The following TOGARAM2 variants were observed in gnomAD, a reference collection of about 807,000 sequenced individuals.
TOGARAM2 encodes the protein TOG array regulator of axonemal microtubules 2.
A neutral mutation model predicts 93.3 loss-of-function variants in TOGARAM2; 85 were observed. That is an observed-to-expected ratio of 0.91 (90% CI 0.76 to 1.09). TOGARAM2 has a LOEUF of 1.09. Ranked by LOEUF, TOGARAM2 falls within the 50% of genes least tolerant of loss-of-function variation. The pLI, the probability that TOGARAM2 is intolerant of heterozygous loss-of-function variation, is 0.00. For missense variants in TOGARAM2, 1,277 were observed against 1,334.5 expected, an observed-to-expected ratio of 0.96 and a Z score of 0.67; for synonymous variants, 593 against 552.8, an observed-to-expected ratio of 1.07 and a Z score of -1.02.
intron 18 of TOGARAM2, among the ~76,000 whole-genome samples, chr2:29,044,778 C>T (rs1398223138): frequency 6.6e-6 from 1 of 152,026 alleles, no homozygotes; most frequent in Non-Finnish European, 1.5e-5. Context: ...GTGGGTACAT[C>T]TTGGTGGGTA....
At chr2:29,041,315 C>T (rs902750790) in intron 18 of TOGARAM2, among the ~76,000 whole-genome samples, 11 of 152,104 alleles carry the variant, frequency 7.2e-5, no homozygotes, top group East Asian at 1.9e-4. Context: ...TGAGCCATTG[C>T]GCCCGGCCTT....
chr2:28,975,074 T>A (rs1320384006), intron 1 of TOGARAM2, among the ~76,000 whole-genome samples: 2 of 150,330 alleles, frequency 1.3e-5, no homozygotes, highest in Non-Finnish European at 3.0e-5. Flanking sequence ...CTTTCTTAAA[T>A]TTTTTTTTTC....
At chr2:28,990,301 C>T (rs1400808167) in intron 1 of TOGARAM2, among the ~76,000 whole-genome samples, 1 of 152,218 alleles carries the variant, frequency 6.6e-6, no homozygotes, top group Admixed American at 6.5e-5. Context: ...TCCGAGGCTC[C>T]CCTTCCTTAG....
At chr2:29,022,400 A>T (rs2148346432) in intron 11 of TOGARAM2, 92 bp downstream of exon 11, 2 of 1,522,288 alleles carry the variant, frequency 1.3e-6, no homozygotes, top group East Asian at 4.8e-5. Context: ...CTCCTCTCCC[A>T]CTCTGGGGTT....
upstream of TOGARAM2, among the ~76,000 whole-genome samples, chr2:28,978,237 G>C (rs1672065646): frequency 6.6e-6 from 1 of 152,130 alleles, no homozygotes; most frequent in African/African-American, 2.4e-5. Context: ...GGTAGGAAGG[G>C]ATATGGGAAA....
At chr2:29,029,593 A>G (rs1395977773) in intron 14 of TOGARAM2, among the ~76,000 whole-genome samples, 1 of 150,838 alleles carries the variant, frequency 6.6e-6, no homozygotes, top group Non-Finnish European at 1.5e-5. Context: ...CGTCTCTACT[A>G]AAAATACAAA....
At position 29,013,628 on chromosome 2, in the gene TOGARAM2, G is replaced by A. The variant is rs146900761; in HGVS notation, c.878-767G>A. The stretch of plus-strand genomic sequence containing the variant: ...AAGGGCAGGAGGAGTAGAAGGAAGC[G>A]TCCAGCAGGGGAGAAAGCAGGCAGC... On this transcript the variant is annotated intron_variant, in intron 7 of 19. Coordinates refer to ENST00000379558, the MANE Select transcript of TOGARAM2 (RefSeq NM_199280.4). 6.3e-4 allele frequency among the ~76,000 whole-genome samples: 96 copies of A among 152,314 alleles called. No individual in the cohort carries two copies. In the South Asian group the frequency reaches 0.012, roughly 19 times the overall value.
intron 18 of TOGARAM2, among the ~76,000 whole-genome samples, chr2:29,045,000 A>C (rs1447591342): frequency 2.6e-5 from 4 of 151,800 alleles, no homozygotes; most frequent in African/African-American, 9.7e-5. Context: ...TCTGTCATCT[A>C]TCTACCTACC....
At chr2:28,983,324 T>C (rs1163486728) in intron 1 of TOGARAM2, among the ~76,000 whole-genome samples, 2 of 135,778 alleles carry the variant, frequency 1.5e-5, no homozygotes, top group African/African-American at 2.8e-5. Flanking sequence ...GGATCACAGG[T>C]GTGAGCCACC....
rs1019424296 is a variant in TOGARAM2, at chr2:29,033,506, G to T, written c.2168G>T (p.Gly723Val). The part of the protein sequence containing the change: ...EDNDELPSAK[G>V]RKVLRSLVVC... ...AATGATGAACTTCCCTCTGCCAAAG[G>T]CCGCAAGGTGTTGAGGAGTCTGGTG... The change falls in exon 16 of 20, where the codon GGC becomes GTC. Residue 723 changes from glycine to valine, a missense_variant. Coordinates refer to ENST00000379558, the MANE Select transcript of TOGARAM2 (RefSeq NM_199280.4). 1 of 1,613,764 alleles carries T rather than the reference G, an allele frequency of 6.2e-7. No individual in the cohort carries two copies.
intron 1 of TOGARAM2, among the ~76,000 whole-genome samples, chr2:28,973,453 T>TCCCTTCCCCTG (rs1553333637): frequency 1.1e-5 from 1 of 93,942 alleles, no homozygotes; most frequent in African/African-American, 4.8e-5. Flanking sequence ...CTTCCTTCCT[T>TCCCTTCCCCTG]CCTTCCTTCC....
At position 29,036,586 on chromosome 2, in the gene TOGARAM2, G is replaced by A. The variant is rs1360728083; in HGVS notation, c.2464G>A (p.Val822Met). The stretch of plus-strand genomic sequence containing the variant: ...AAGGCTTCAGGATTCCAACAAGAAA[G>A]TGAACCAGTGGGCGCTGGAGTCCTT... ...TPRLQDSNKK[V>M]NQWALESFAK... The change falls in exon 18 of 20, where the codon GTG becomes ATG. Residue 822 changes from valine (V) to methionine (M), a missense_variant. Coordinates refer to ENST00000379558, the MANE Select transcript of TOGARAM2 (RefSeq NM_199280.4). 2.1e-5 allele frequency: 34 copies of A among 1,613,896 alleles called. No individual in the cohort carries two copies. Among genetic ancestry groups the A allele is most frequent in the Non-Finnish European group, 2.4e-5 (28 of 1,179,910 alleles).
chr2:29,005,518 CGT>C (rs1372673074), intron 6 of TOGARAM2, among the ~76,000 whole-genome samples: 3 of 106,860 alleles, frequency 2.8e-5, no homozygotes, highest in African/African-American at 1.1e-4. Context: ...TGTGTAACTA[CGT>C]GTGTGAAGCC....
Position 29,052,098 on chromosome 2 carries a change from G to T in TOGARAM2, c.*5G>T, listed in dbSNP as rs766573514. On this transcript the variant is annotated 3_prime_UTR_variant, in exon 20 of 20. Transcript: ENST00000379558. Reference sequence around the variant, plus strand: ...TACCCTTTTCAGCTGGATTAAAGATGGATCTGAAATGGGCAATTATTATTT... The same window carrying T: ...TACCCTTTTCAGCTGGATTAAAGATTGATCTGAAATGGGCAATTATTATTT... 1.0e-5 allele frequency: 16 copies of T among 1,545,466 alleles called. No homozygotes were observed. In the East Asian group the frequency reaches 3.2e-4, roughly 31 times the overall value.
intron 5 of TOGARAM2, 125 bp downstream of exon 5, chr2:29,002,872 G>C (rs990271943): frequency 3.4e-6 from 3 of 892,796 alleles, no homozygotes; most frequent in East Asian, 2.6e-5. Context: ...GTGTCTTGAG[G>C]TCTGCAGTGA....
At chr2:28,965,984 A>T (rs1671859903) in intron 1 of TOGARAM2, among the ~76,000 whole-genome samples, 1 of 150,856 alleles carries the variant, frequency 6.6e-6, no homozygotes, top group African/African-American at 2.4e-5. Flanking sequence ...TATTTGGTCC[A>T]TGTTATTCCA....
In TOGARAM2 at chr2:29,036,736, G is replaced by C; in HGVS notation, c.2614G>C (p.Asp872His). The C allele has an allele frequency of 1.2e-6, 2 of 1,613,602 alleles. No individual in the cohort carries two copies. The highest frequency in any genetic ancestry group is 8.5e-7 in the Non-Finnish European group (1 of 1,179,722). ...GIYAAAVAVL[D>H]AMVESLDNLC... ...TTACGCTGCTGCCGTGGCTGTGCTG[G>C]ATGCGATGGTTGAGAGCCTGGGTGA... The change falls in exon 18 of 20, where the codon GAT becomes CAT. Residue 872 changes from aspartate to histidine, a missense_variant. Transcript: ENST00000379558.
At chr2:29,005,372 G>A (rs1308756164) in intron 6 of TOGARAM2, among the ~76,000 whole-genome samples, 3 of 52,626 alleles carry the variant, frequency 5.7e-5, no homozygotes, top group African/African-American at 1.3e-4. Flanking sequence ...GTGTGAGAAC[G>A]TGCATGTATG....
At chr2:29,044,333 C>G (rs1024736204) in intron 18 of TOGARAM2, among the ~76,000 whole-genome samples, 14 of 152,196 alleles carry the variant, frequency 9.2e-5, no homozygotes, top group African/African-American at 3.4e-4. Flanking sequence ...ACTCAGACCA[C>G]CTGGAGTTTA....
Sources: gnomAD v4.1 joint callset for allele counts (sites outside exome capture counted in the v4.1 genomes callset) on GRCh38, gnomAD v4.1.1 for gene constraint, MANE v1.5 for transcripts, NCBI Gene and HGNC (gene_info 2026-07-23, HGNC 2026-07-21) for gene names.